PCDHGA4: variants seen among roughly 807,000 people sequenced by gnomAD.
The protein encoded by PCDHGA4 is protocadherin gamma-A4.
PCDHGA4 carries 38 observed loss-of-function variants against 54.6 expected under a neutral mutation model. The ratio of observed to expected loss-of-function variants is 0.70; its 90% CI spans 0.54 to 0.91. The LOEUF (loss-of-function observed/expected upper bound fraction) is 0.91. Ranked by LOEUF, PCDHGA4 falls within the 40% of genes least tolerant of loss-of-function variation. The pLI is 0.00. For synonymous variants in PCDHGA4, 511 were observed against 512.9 expected (o/e 1.00, Z 0.05); for missense variants, 1,298 against 1,220.9 (o/e 1.06, Z -0.94).
chr5:141,493,935 C>T lies in PCDHGA4; in HGVS notation c.2515-872C>T, dbSNP rs1317863228. Among the ~76,000 whole-genome samples the T allele has an allele frequency of 6.6e-6, 1 of 152,158 alleles. No homozygotes were observed. Among genetic ancestry groups the T allele is most frequent in the Non-Finnish European group, 1.5e-5 (1 of 68,020 alleles). On this transcript the variant is annotated intron_variant, in intron 1 of 3. Coordinates refer to ENST00000571252, the MANE Select transcript of PCDHGA4 (RefSeq NM_018917.4). This position sits in a 1 kb window ranked among gnomAD's most constrained non-coding sequence, Gnocchi z 4.3. Reference sequence around the variant, plus strand: ...TGGGATAACACACCCCCTGGAAAGACCAGAAGGGACTCAGGAATGAAGTGG... The same window carrying T: ...TGGGATAACACACCCCCTGGAAAGATCAGAAGGGACTCAGGAATGAAGTGG...
rs564439931 is a variant in PCDHGA4 at position 141,490,480 on chromosome 5, C to T, written c.2515-4327C>T. On this transcript the variant is annotated intron_variant, in intron 1 of 3. Coordinates refer to ENST00000571252, the MANE Select transcript of PCDHGA4 (RefSeq NM_018917.4). The surrounding 1 kb of genome is among the most constrained non-coding windows in gnomAD (Gnocchi z 5.4). ...GCTGCTAACCAGCCAGCCTTTGGAC[C>T]GGGAGGCCACATCCCACTATATCAT... The T allele has an allele frequency of 3.5e-5, 56 of 1,614,194 alleles. No individual in the cohort carries two copies. Among genetic ancestry groups the T allele is most frequent in the Admixed American group, 1.5e-4 (9 of 60,022 alleles).
Position 141,398,862 on chromosome 5 carries a change from C to G in PCDHGA4, c.2514+41241C>G, listed in dbSNP as rs771326288. On this transcript the variant is annotated intron_variant, in intron 1 of 3. Transcript: ENST00000571252. ...ATAATCCCCCGGTATTCAACCGAGA[C>G]GTGTACAGAGTCAGCCTTCGGGAAA... 4 of 1,613,848 alleles carry G rather than the reference C, an allele frequency of 2.5e-6. No individual in the cohort carries two copies. The African/African-American group carries it at 5.3e-5, about 22-fold the overall frequency.
intron 1 of PCDHGA4, chr5:141,375,703 G>A (rs776426026): frequency 3.7e-6 from 6 of 1,614,144 alleles, no homozygotes; most frequent in Admixed American, 1.7e-5. Context: ...GCGGGGACCC[G>A]CCTCTTAGCA....
intron 1 of PCDHGA4, among the ~76,000 whole-genome samples, chr5:141,484,122 T>C (rs1343894991): frequency 6.6e-6 from 1 of 152,180 alleles, no homozygotes; most frequent in African/African-American, 2.4e-5. Context: ...CAAGAATACC[T>C]TGGTGTCAGA....
intron 1 of PCDHGA4, chr5:141,396,034 A>G (rs968115375): frequency 1.3e-5 from 2 of 152,256 alleles, no homozygotes; most frequent in African/African-American, 2.4e-5. Context: ...ATGTAAGAAC[A>G]TATTTCAATA....
rs777168071 is a variant in PCDHGA4 at position 141,477,745 on chromosome 5, C to A, written c.2515-17062C>A. The A allele has an allele frequency of 5.0e-6, 8 of 1,613,682 alleles. No homozygotes were observed. The highest frequency in any genetic ancestry group is 6.8e-6 in the Non-Finnish European group (8 of 1,180,042). On this transcript the variant is annotated intron_variant, in intron 1 of 3. Transcript: ENST00000571252. The surrounding 1 kb of genome is among the most constrained non-coding windows in gnomAD (Gnocchi z 4.9). ...TAACAGCTCATATCAGCGATGGGGG[C>A]ACCCCGGTCCTAGCCACCAACATCA...
rs545147450 is a variant in PCDHGA4 at position 141,380,989 on chromosome 5, A to C, written c.2514+23368A>C. On this transcript the variant is annotated intron_variant, in intron 1 of 3. Transcript: ENST00000571252. ...TATTAAACAAATAGAATTTAACTCC[A>C]GTTTACAGAATTCATCTATAATACC... is the stretch of plus-strand genomic sequence containing the variant. Among the ~76,000 whole-genome samples, 4 of 152,258 alleles carry C rather than the reference A, an allele frequency of 2.6e-5. No homozygotes were observed. In the South Asian group the frequency reaches 8.3e-4, roughly 32 times the overall value.
intron 1 of PCDHGA4, chr5:141,372,781 T>C: frequency 6.2e-7 from 1 of 1,608,572 alleles, no homozygotes; most frequent in Non-Finnish European, 8.5e-7. Context: ...AATCCAGAAA[T>C]GCCTTCTAAT....
intron 1 of PCDHGA4, among the ~76,000 whole-genome samples, chr5:141,463,783 C>T (rs1395035313): frequency 1.3e-5 from 2 of 152,138 alleles, no homozygotes; most frequent in African/African-American, 4.8e-5. Flanking sequence ...CCTGCACTGT[C>T]TTTTGAACAA....
rs375487349 is a variant in PCDHGA4, at chr5:141,383,260, G to T, written c.2514+25639G>T. On this transcript the variant is annotated intron_variant, in intron 1 of 3. Transcript: ENST00000571252. ...TAAAATGAATCTTTACCCTATAGAC[G>T]TGGAAATAATAGATATTAATGACAA... is the stretch of plus-strand genomic sequence containing the variant. 2 of 1,613,782 alleles carry T rather than the reference G, an allele frequency of 1.2e-6. No homozygotes were observed. The highest frequency in any genetic ancestry group is 1.7e-6 in the Non-Finnish European group (2 of 1,179,874).
intron 3 of PCDHGA4, 122 bp downstream of exon 3, chr5:141,505,603 G>A (rs900982128): frequency 6.5e-7 from 1 of 1,534,594 alleles, no homozygotes; most frequent in African/African-American, 1.4e-5. Flanking sequence ...TCTTTCGGCA[G>A]GTCTGAAAGG....
intron 1 of PCDHGA4, chr5:141,376,103 G>T (rs1035502137): frequency 3.1e-6 from 5 of 1,613,624 alleles, no homozygotes; most frequent in African/African-American, 2.7e-5. Context: ...CATCCTGGCC[G>T]ACCTGGGCAG....
intron 1 of PCDHGA4, chr5:141,404,308 C>G: frequency 1.2e-6 from 2 of 1,613,918 alleles, no homozygotes; most frequent in East Asian, 2.2e-5. Flanking sequence ...CACCTGCTTT[C>G]TCTCAAGCCT....
At chr5:141,375,093 T>G (rs1394979484) in intron 1 of PCDHGA4, 18 of 1,613,962 alleles carry the variant, frequency 1.1e-5, no homozygotes, top group Non-Finnish European at 1.4e-5. Flanking sequence ...TTAATAACTA[T>G]CTTGGATGTC....
chr5:141,470,650 T>C (rs2099235744), intron 1 of PCDHGA4, among the ~76,000 whole-genome samples: 1 of 152,184 alleles, frequency 6.6e-6, no homozygotes, highest in Non-Finnish European at 1.5e-5. Context: ...TGAAGGCCCC[T>C]ACCCTTTGGT....
intron 1 of PCDHGA4, chr5:141,410,447 C>G (rs760711107): frequency 1.2e-6 from 2 of 1,613,984 alleles, no homozygotes; most frequent in Non-Finnish European, 1.7e-6. Context: ...GGGGACTTTG[C>G]CTTATTCTTA....
intron 1 of PCDHGA4, chr5:141,365,305 C>T (rs753864685): frequency 1.5e-5 from 24 of 1,613,808 alleles, no homozygotes; most frequent in Non-Finnish European, 1.9e-5. Flanking sequence ...AGGATGGAGG[C>T]GCTCTTGTTG....
intron 1 of PCDHGA4, chr5:141,377,314 A>G (rs890147019): frequency 5.3e-5 from 8 of 152,110 alleles, no homozygotes; most frequent in African/African-American, 1.9e-4. Flanking sequence ...AAAGATCAAG[A>G]TCTTGGTTTT....
intron 1 of PCDHGA4, chr5:141,421,223 C>T: frequency 6.3e-7 from 1 of 1,580,314 alleles, no homozygotes. Context: ...GGCTTAGAGC[C>T]TGCCATGGCG....
Sources: gnomAD v4.1 joint callset for allele counts (sites outside exome capture counted in the v4.1 genomes callset) on GRCh38, gnomAD v4.1.1 for gene constraint, Gnocchi (gnomAD v3.1) non-coding constraint, MANE v1.5 for transcripts, NCBI Gene and HGNC (gene_info 2026-07-23, HGNC 2026-07-21) for gene names.